SUPT5H: variants seen among roughly 807,000 people sequenced by gnomAD.
SUPT5H encodes transcription elongation factor SPT5.
In SUPT5H, 24 loss-of-function variants were observed where a neutral mutation model predicts 142.5. The ratio of observed to expected loss-of-function variants is 0.17; its 90% CI spans 0.12 to 0.24. The LOEUF (loss-of-function observed/expected upper bound fraction) is 0.24. SUPT5H is among the 10% of genes least tolerant of loss of function. The pLI is 1.00. For synonymous variants in SUPT5H, 546 were observed against 553.0 expected, an observed-to-expected ratio of 0.99 and a Z score of 0.18; for missense variants, 893 against 1,471.8, an observed-to-expected ratio of 0.61 and a Z score of 6.43.
At chr19:39,456,780 A>G (rs1287053633) in intron 3 of SUPT5H, among the ~76,000 whole-genome samples, 2 of 152,072 alleles carry the variant, frequency 1.3e-5, no homozygotes, top group Admixed American at 6.6e-5. Flanking sequence ...GCCGGTTTCA[A>G]ACTCCTGGGC....
rs1051494785 is a variant in SUPT5H, at chr19:39,465,064, G to A, written c.876+15G>A. 2.5e-6 allele frequency: 4 copies of A among 1,606,286 alleles called. No individual in the cohort carries two copies. The East Asian group carries it at 8.9e-5, about 36-fold the overall frequency. ...ACATTGCTCAGGTGCCCGGGGCGGG[G>A]TGGCATGGGGGTCAGGGTCCCTCCA... On this transcript the variant is annotated intron_variant, in intron 11 of 29. Coordinates refer to ENST00000432763, the MANE Select transcript of SUPT5H (RefSeq NM_001111020.3).
chr19:39,446,228 G>GTT (rs546121089), intron 2 of SUPT5H, among the ~76,000 whole-genome samples: 1 of 147,768 alleles, frequency 6.8e-6, no homozygotes, highest in African/African-American at 2.5e-5. Context: ...CTTAGCATTA[G>GTT]TTTTTTTTTT....
chr19:39,460,912 T>G (rs1427714669), intron 10 of SUPT5H, among the ~76,000 whole-genome samples: 1 of 152,152 alleles, frequency 6.6e-6, no homozygotes, highest in Non-Finnish European at 1.5e-5. Context: ...GTCCAGCCAC[T>G]GGGTGTGACC....
At chr19:39,461,836 A>T (rs1461308511) in intron 10 of SUPT5H, among the ~76,000 whole-genome samples, 9 of 143,278 alleles carry the variant, frequency 6.3e-5, no homozygotes, top group South Asian at 2.1e-4. Flanking sequence ...AAAAAAAAAA[A>T]AAAATAATAA....
rs553268154 is a variant in SUPT5H at position 39,472,029 on chromosome 19, C to T, written c.1950+299C>T. ...ACAGAGCTGATACTCTAGAGGTGGACAGACAGATAAACCCATCGTACAGCT... is the reference window on the plus strand; with the variant it reads ...ACAGAGCTGATACTCTAGAGGTGGATAGACAGATAAACCCATCGTACAGCT... On this transcript the variant is annotated intron_variant, in intron 20 of 29. Coordinates refer to ENST00000432763, the MANE Select transcript of SUPT5H (RefSeq NM_001111020.3). This position sits in a 1 kb window ranked among gnomAD's most constrained non-coding sequence, Gnocchi z 4.2. 3.8e-4 allele frequency among the ~76,000 whole-genome samples: 58 copies of T among 152,310 alleles called. No homozygotes were observed. The highest frequency in any genetic ancestry group is 7.8e-4 in the Admixed American group (12 of 15,296).
rs367743566 is a variant in SUPT5H at position 39,457,765 on chromosome 19, A to G, written c.307+25A>G. 21 of 1,613,914 alleles carry G rather than the reference A, an allele frequency of 1.3e-5. No homozygotes were observed. In the African/African-American group the frequency reaches 2.8e-4, roughly 22 times the overall value. ...GGTGTGTGTGAGCCCTGCCTCCACA[A>G]GACTACTGGGAAGAGGGTGGCTGAG... On this transcript the variant is annotated intron_variant, in intron 4 of 29. Transcript: ENST00000432763.
chr19:39,473,891 G>A lies in SUPT5H; in HGVS notation c.2493-72G>A. 1 of 1,599,958 alleles carries A rather than the reference G, an allele frequency of 6.3e-7. No individual in the cohort carries two copies. On this transcript the variant is annotated intron_variant, in intron 25 of 29. Coordinates refer to ENST00000432763, the MANE Select transcript of SUPT5H (RefSeq NM_001111020.3). The surrounding 1 kb of genome is among the most constrained non-coding windows in gnomAD (Gnocchi z 5.8). The stretch of plus-strand genomic sequence containing the variant: ...AAATTGCTTCAGTTGGGGGTCTGGT[G>A]TAGGGTGCTGTTCTGGAAGCATCCA...
In SUPT5H at chr19:39,458,261, AC is replaced by A; in HGVS notation, c.308-31del. ...CACCACCACCACCACCACCACCACC[AC>A]CACCACCACCACCTCCTCTTCCTCC... On this transcript the variant is annotated intron_variant, in intron 4 of 29. Transcript: ENST00000432763. The surrounding 1 kb of genome is among the most constrained non-coding windows in gnomAD (Gnocchi z 4.2). 1 of 727,720 alleles carries A rather than the reference AC, an allele frequency of 1.4e-6. No individual in the cohort carries two copies. Among genetic ancestry groups the A allele is most frequent in the South Asian group, 1.5e-5 (1 of 68,170 alleles). The allele number at this position is 727,720 out of a possible 1,614,324, so 45.1% of individuals were successfully genotyped here.
In SUPT5H at chr19:39,468,814, T is replaced by C. The variant is rs756925572; in HGVS notation, c.1096T>C (p.Tyr366His). The C allele has an allele frequency of 8.1e-6, 13 of 1,614,192 alleles. No homozygotes were observed. Among genetic ancestry groups the C allele is most frequent in the Non-Finnish European group, 1.1e-5 (13 of 1,180,034 alleles). ...GDFLIFEGNRYSRKGFLFKSF... is the reference protein window; with the variant it reads ...GDFLIFEGNRHSRKGFLFKSF... ...CTTCCTCATCTTTGAGGGGAACCGT[T>C]ACAGCCGGAAGGGCTTTCTGTTCAA... Residue 366 changes from tyrosine to histidine, a missense_variant, in exon 14 of 30, where the codon TAC (tyrosine) becomes CAC (histidine). Physicochemically the swap from Tyr to His is moderately conservative, Grantham distance 83. Transcript: ENST00000432763.
At chr19:39,468,717 A>T in intron 13 of SUPT5H, 39 bp from the exon 14 acceptor site, 18 of 1,575,658 alleles carry the variant, frequency 1.1e-5, no homozygotes, top group East Asian at 2.2e-5. Context: ...TTTCTTCTTG[A>T]CTCTCCCTTC....
chr19:39,447,772 G>A (rs2078971916), intron 2 of SUPT5H, among the ~76,000 whole-genome samples: 1 of 152,134 alleles, frequency 6.6e-6, no homozygotes. Context: ...GAACAAATCA[G>A]TGTTTGCATC....
intron 8 of SUPT5H, 140 bp from the exon 9 acceptor site, chr19:39,459,419 T>G (rs1237634189): frequency 1.5e-6 from 2 of 1,344,564 alleles, no homozygotes; most frequent in African/African-American, 2.9e-5. Flanking sequence ...CTCTTGCTCC[T>G]GGGTAGAAGC....
At chr19:39,450,653 T>C (rs2146074631) in intron 2 of SUPT5H, among the ~76,000 whole-genome samples, 1 of 152,346 alleles carries the variant, frequency 6.6e-6, no homozygotes. Context: ...ATGTTTTAGA[T>C]TACAGTTTTC....
In SUPT5H at chr19:39,457,704, C is replaced by T. The variant is rs1455905931; in HGVS notation, c.271C>T (p.Gln91Ter). ...DVDDEYEDED[Q>*]WEDGAEDILE... ...TGACGATGAGTATGAGGACGAGGAC[C>T]AGTGGGAGGATGGAGCAGAGGACAT... Residue 91 changes from glutamine to a stop codon, truncating the protein, a stop_gained, in exon 4 of 30, where the codon CAG becomes TAG. Coordinates refer to ENST00000432763, the MANE Select transcript of SUPT5H (RefSeq NM_001111020.3). LOFTEE classifies it high-confidence loss of function. 6.2e-7 allele frequency: 1 copy of T among 1,613,930 alleles called. No individual in the cohort carries two copies. Among genetic ancestry groups the T allele is most frequent in the Non-Finnish European group, 8.5e-7 (1 of 1,180,002 alleles).
At position 39,470,500 on chromosome 19, in the gene SUPT5H, C is replaced by T; in HGVS notation, c.1654C>T (p.Arg552Ter). Reference protein sequence around the residue: ...LDPQTVGVIVRLERETFQVLN... With the variant: ...LDPQTVGVIV Reference sequence around the variant, plus strand: ...TCCCCAGACTGTGGGTGTCATCGTGCGACTAGAACGGGAGACCTTCCAGGT... The same window carrying T: ...TCCCCAGACTGTGGGTGTCATCGTGTGACTAGAACGGGAGACCTTCCAGGT... Residue 552 changes from arginine to a stop codon, truncating the protein, a stop_gained, in exon 18 of 30, where the codon CGA (arginine) becomes TGA (stop). Coordinates refer to ENST00000432763, the MANE Select transcript of SUPT5H (RefSeq NM_001111020.3). LOFTEE classifies it high-confidence loss of function. The surrounding 1 kb of genome is among the most constrained non-coding windows in gnomAD (Gnocchi z 5.8). The T allele has an allele frequency of 6.3e-7, 1 of 1,577,124 alleles. No individual in the cohort carries two copies. The highest frequency in any genetic ancestry group is 8.6e-7 in the Non-Finnish European group (1 of 1,161,022).
At chr19:39,451,142 C>A (rs1454769463) in intron 2 of SUPT5H, among the ~76,000 whole-genome samples, 1 of 145,546 alleles carries the variant, frequency 6.9e-6, no homozygotes, top group East Asian at 2.0e-4. Context: ...GTTCCCTAAT[C>A]TGAAAATCCA....
intron 2 of SUPT5H, among the ~76,000 whole-genome samples, chr19:39,448,123 C>T (rs2078976149): frequency 6.6e-6 from 1 of 152,192 alleles, no homozygotes; most frequent in African/African-American, 2.4e-5. Context: ...TGTTAGTTGC[C>T]ATTTGTCCTC....
At position 39,459,256 on chromosome 19, in the gene SUPT5H, G is replaced by A. The variant is rs1443942525; in HGVS notation, c.524+7G>A. 2 of 1,558,088 alleles carry A rather than the reference G, an allele frequency of 1.3e-6. No individual in the cohort carries two copies. The highest frequency in any genetic ancestry group is 1.7e-6 in the Non-Finnish European group (2 of 1,150,332). ...AGCTGCTCCCAGGAGTCAAGTAAGG[G>A]GGTTGGGATGGTGGGGGCCGTGCTG... On this transcript the variant is annotated splice_region_variant and intron_variant, in intron 8 of 29. Transcript: ENST00000432763.
chr19:39,472,813 A>G lies in SUPT5H; in HGVS notation c.2039A>G (p.Gln680Arg). ...SSPMHPSAGG[Q>R]RGGFGSPGGG... Reference sequence around the variant, plus strand: ...TGACATTCTCCCCAATCCCCAGGTCAGCGTGGCGGCTTTGGTAGCCCAGGT... The same window carrying G: ...TGACATTCTCCCCAATCCCCAGGTCGGCGTGGCGGCTTTGGTAGCCCAGGT... Residue 680 changes from glutamine (Q) to arginine (R), a missense_variant, in exon 22 of 30, where the codon CAG (glutamine) becomes CGG (arginine). Coordinates refer to ENST00000432763, the MANE Select transcript of SUPT5H (RefSeq NM_001111020.3). The surrounding 1 kb of genome is among the most constrained non-coding windows in gnomAD (Gnocchi z 4.2). The G allele has an allele frequency of 1.2e-6, 2 of 1,612,270 alleles. No homozygotes were observed. Among genetic ancestry groups the G allele is most frequent in the Non-Finnish European group, 1.7e-6 (2 of 1,179,024 alleles).
Sources: gnomAD v4.1 joint callset for allele counts (sites outside exome capture counted in the v4.1 genomes callset) on GRCh38, gnomAD v4.1.1 for gene constraint, Gnocchi (gnomAD v3.1) non-coding constraint, MANE v1.5 for transcripts, NCBI Gene and HGNC (gene_info 2026-07-23, HGNC 2026-07-21) for gene names.